TENM3: variants seen among roughly 807,000 people sequenced by gnomAD.
TENM3 encodes teneurin-3.
In TENM3, 63 loss-of-function variants were observed where a neutral mutation model predicts 255.1. That is an observed-to-expected ratio of 0.25 (90% CI 0.20 to 0.30). The LOEUF is 0.30. TENM3 is among the 10% of genes least tolerant of loss of function. The pLI is 1.00. For missense variants in TENM3, 2,929 were observed against 3,461.1 expected (o/e 0.85, Z 3.86); for synonymous variants, 1,306 against 1,322.3 (o/e 0.99, Z 0.27).
At chr4:181,776,345 A>G in the TENM3 span, among the ~76,000 whole-genome samples, 1 of 152,078 alleles carries the variant, frequency 6.6e-6, no homozygotes, top group Non-Finnish European at 1.5e-5. Context: ...TTGATTCCAT[A>G]TCTTTTCTAT....
At chr4:182,730,352 A>G (rs1337336514) in intron 15 of TENM3, 33 bp downstream of exon 15, 2 of 1,609,934 alleles carry the variant, frequency 1.2e-6, no homozygotes. Flanking sequence ...TCTCTGAAGG[A>G]TTTGAAATAT....
the TENM3 span, among the ~76,000 whole-genome samples, chr4:181,605,765 AC>A: frequency 6.6e-6 from 1 of 152,194 alleles, no homozygotes; most frequent in African/African-American, 2.4e-5. Context: ...TATTTTTGGA[AC>A]ATTATTATAA....
At chr4:182,010,328 A>G in the TENM3 span, among the ~76,000 whole-genome samples, 1 of 152,196 alleles carries the variant, frequency 6.6e-6, no homozygotes, top group African/African-American at 2.4e-5. Flanking sequence ...ACATTTGTAC[A>G]TACAAGTCTC....
At chr4:182,485,227 C>T (rs1323888294) in intron 3 of TENM3, among the ~76,000 whole-genome samples, 1 of 152,058 alleles carries the variant, frequency 6.6e-6, no homozygotes, top group African/African-American at 2.4e-5. Context: ...ATAACATTTT[C>T]CCCTTCATTA....
chr4:182,171,325 T>C (rs549036961), intron 1 of TENM3, among the ~76,000 whole-genome samples: 3 of 152,216 alleles, frequency 2.0e-5, no homozygotes, highest in Non-Finnish European at 4.4e-5. Context: ...AGTCATATTA[T>C]ACTTTTGGCA....
the TENM3 span, among the ~76,000 whole-genome samples, chr4:181,918,904 T>C: frequency 6.6e-6 from 1 of 152,104 alleles, no homozygotes; most frequent in African/African-American, 2.4e-5. Flanking sequence ...AAATAATAAA[T>C]TCAAAAAATA....
the TENM3 span, among the ~76,000 whole-genome samples, chr4:181,797,803 G>C: frequency 3.3e-5 from 5 of 152,126 alleles, no homozygotes; most frequent in African/African-American, 1.2e-4. Flanking sequence ...CTTCTGCCTG[G>C]CACAACCTTA....
chr4:181,601,878 A>G, the TENM3 span, among the ~76,000 whole-genome samples: 1 of 152,080 alleles, frequency 6.6e-6, no homozygotes, highest in African/African-American at 2.4e-5. Flanking sequence ...CATAACACAC[A>G]GCATGCCTTA....
the TENM3 span, among the ~76,000 whole-genome samples, chr4:181,592,660 C>CTT: frequency 9.9e-6 from 1 of 101,082 alleles, no homozygotes; most frequent in Non-Finnish European, 2.4e-5. Flanking sequence ...CTGAAAATCT[C>CTT]TCTTTTTTTT....
At chr4:181,926,614 G>T in the TENM3 span, among the ~76,000 whole-genome samples, 1 of 152,000 alleles carries the variant, frequency 6.6e-6, no homozygotes, top group Non-Finnish European at 1.5e-5. Context: ...TGAAGCTGTT[G>T]CATTTCCCTA....
intron 3 of TENM3, among the ~76,000 whole-genome samples, chr4:182,475,762 T>C (rs982664278): frequency 3.3e-5 from 5 of 152,240 alleles, no homozygotes; most frequent in African/African-American, 9.6e-5. Flanking sequence ...TACCTTTCTG[T>C]AGTCACAGAT....
At chr4:181,468,977 A>T in the TENM3 span, among the ~76,000 whole-genome samples, 2 of 152,212 alleles carry the variant, frequency 1.3e-5, no homozygotes, top group African/African-American at 4.8e-5. Flanking sequence ...TAAATGTAAG[A>T]TGTCAACCTG....
intron 1 of TENM3, among the ~76,000 whole-genome samples, chr4:182,177,995 G>A (rs1456149054): frequency 7.6e-6 from 1 of 130,792 alleles, no homozygotes; most frequent in East Asian, 2.2e-4. Flanking sequence ...GTTAGCTCCT[G>A]TTAAAGCACT....
At chr4:182,107,574 G>A in the TENM3 span, among the ~76,000 whole-genome samples, 1 of 152,214 alleles carries the variant, frequency 6.6e-6, no homozygotes, top group Non-Finnish European at 1.5e-5. Context: ...CCTGCTAGTG[G>A]CATTGCCCTC....
At chr4:182,069,506 C>T in the TENM3 span, among the ~76,000 whole-genome samples, 1 of 152,108 alleles carries the variant, frequency 6.6e-6, no homozygotes. Context: ...TTGTTGGGCC[C>T]CTCAACTAGA....
chr4:181,649,622 G>A, the TENM3 span, among the ~76,000 whole-genome samples: 5 of 152,170 alleles, frequency 3.3e-5, no homozygotes, highest in African/African-American at 7.2e-5. Flanking sequence ...GGATGTGTTC[G>A]TGTGTTTTGA....
the TENM3 span, among the ~76,000 whole-genome samples, chr4:181,888,525 T>A: frequency 6.0e-5 from 6 of 99,870 alleles, no homozygotes; most frequent in Admixed American, 1.1e-4. Flanking sequence ...TGTATATATA[T>A]ACATATATGT....
the TENM3 span, among the ~76,000 whole-genome samples, chr4:181,884,954 A>G: frequency 6.6e-6 from 1 of 152,154 alleles, no homozygotes. Flanking sequence ...AAATGTTTTT[A>G]TGGAAAACAT....
the TENM3 span, among the ~76,000 whole-genome samples, chr4:181,704,871 A>G: frequency 3.9e-5 from 6 of 152,148 alleles, no homozygotes; most frequent in African/African-American, 7.2e-5. Flanking sequence ...CGTCTCTACT[A>G]AAAATACAAA....
Sources: allele counts gnomAD v4.1 joint callset (sites outside exome capture counted in the v4.1 genomes callset), GRCh38; gene constraint gnomAD v4.1.1; transcripts MANE v1.5; gene names NCBI Gene and HGNC (gene_info 2026-07-23, HGNC 2026-07-21).